Variants in RALY observed in about 807,000 individuals in gnomAD.
RALY encodes the protein RNA-binding protein Raly.
In RALY, 15 loss-of-function variants were observed where a neutral mutation model predicts 30.7. That is an observed-to-expected ratio of 0.49 (90% CI 0.33 to 0.75). RALY has a LOEUF of 0.75. RALY is among the 30% of genes least tolerant of loss of function. The probability of loss-of-function intolerance (pLI) is 0.02; values close to 1 mark genes in which losing one functional copy is unlikely to be tolerated. For missense variants in RALY, 339 were observed against 414.3 expected (o/e 0.82, Z 1.58); for synonymous variants, 177 against 170.8 (o/e 1.04, Z -0.28).
At chr20:34,079,549 C>T (rs2033986948) in intron 9 of RALY, among the ~76,000 whole-genome samples, 1 of 152,172 alleles carries the variant, frequency 6.6e-6, no homozygotes, top group African/African-American at 2.4e-5. Context: ...TCCAGAAGAG[C>T]TTTAGAAAAT....
chr20:34,030,661 C>T (rs1343518771), intron 1 of RALY, among the ~76,000 whole-genome samples: 1 of 152,198 alleles, frequency 6.6e-6, no homozygotes. Context: ...TTATTTTGAT[C>T]TTGCGCAAGT....
At position 34,073,570 on chromosome 20, in the gene RALY, C is replaced by T. The variant is rs1243211184; in HGVS notation, c.264C>T (p.Asn88=). Residue 88 remains asparagine (N), a synonymous_variant, in exon 4 of 10, where the codon AAC becomes AAT. Transcript: ENST00000246194. ...RVLAGQTLDI[N]MAGEPKPDRP... ...CCTTCTCCCTCCACACAGACATCAA[C>T]ATGGCTGGAGAGCCTAAGCCTGACA... 10 of 1,594,768 alleles carry T rather than the reference C, an allele frequency of 6.3e-6. No individual in the cohort carries two copies. In the South Asian group the frequency reaches 7.7e-5, roughly 12 times the overall value.
intron 1 of RALY, among the ~76,000 whole-genome samples, chr20:34,019,128 G>A (rs1237307448): frequency 6.6e-6 from 1 of 152,068 alleles, no homozygotes; most frequent in African/African-American, 2.4e-5. Flanking sequence ...TTCAAGAGCA[G>A]CCTGGCCAAG....
intron 1 of RALY, among the ~76,000 whole-genome samples, chr20:34,030,141 A>G (rs186277972): frequency 2.4e-4 from 36 of 152,288 alleles, no homozygotes; most frequent in Admixed American, 2.1e-3. Flanking sequence ...ACAAGAGAAC[A>G]TGTTTCCTGC....
Position 34,080,917 on chromosome 20 carries a change from C to A in RALY, c.*1012C>A, listed in dbSNP as rs1305343883. The A allele has an allele frequency of 6.6e-6, 1 of 152,266 alleles. No homozygotes were observed. The highest frequency in any genetic ancestry group is 2.4e-5 in the African/African-American group (1 of 41,442). The allele number at this position is 152,266 out of a possible 1,614,324, so 9.4% of individuals were successfully genotyped here. A position where few individuals can be genotyped will look rare whatever the true frequency, so the allele number is the denominator to read the frequency against. On this transcript the variant is annotated 3_prime_UTR_variant, in exon 10 of 10. Transcript: ENST00000246194. Reference sequence around the variant, plus strand: ...GTTTGGTAGCAAGGAATAGAGCGTACTCCAGTGACAGCAATCAGTAGGAAG... The same window carrying A: ...GTTTGGTAGCAAGGAATAGAGCGTAATCCAGTGACAGCAATCAGTAGGAAG...
At chr20:34,005,766 G>A (rs1203590137) in intron 1 of RALY, among the ~76,000 whole-genome samples, 6 of 152,240 alleles carry the variant, frequency 3.9e-5, no homozygotes, top group Admixed American at 3.9e-4. Context: ...GAGGTTAAGA[G>A]ATATGCCGTG....
chr20:34,039,974 G>A (rs979514058), intron 2 of RALY, among the ~76,000 whole-genome samples: 1 of 152,126 alleles, frequency 6.6e-6, no homozygotes, highest in Non-Finnish European at 1.5e-5. Context: ...AGTTGGGCAT[G>A]GTGGCGTGTG....
chr20:34,043,279 T>G (rs1200777403), intron 2 of RALY, among the ~76,000 whole-genome samples: 18 of 152,228 alleles, frequency 1.2e-4, no homozygotes, highest in Admixed American at 1.1e-3. Context: ...AGAGTTCCAT[T>G]TGGAGGAAGT....
intron 1 of RALY, chr20:34,016,463 A>G (rs1047621878): frequency 3.3e-5 from 5 of 152,270 alleles, no homozygotes; most frequent in African/African-American, 1.2e-4. Flanking sequence ...CATACTTAGC[A>G]CAAGAAAGCC....
intron 2 of RALY, among the ~76,000 whole-genome samples, chr20:34,057,984 C>T (rs2123202841): frequency 6.6e-6 from 1 of 152,252 alleles, no homozygotes; most frequent in East Asian, 1.9e-4. Flanking sequence ...GCCCTTTCTC[C>T]TGCAGCTGAG....
chr20:34,069,980 G>T lies in RALY; in HGVS notation c.-9-2086G>T, dbSNP rs146815126. 5.3e-5 allele frequency among the ~76,000 whole-genome samples: 8 copies of T among 152,294 alleles called. No homozygotes were observed. In the East Asian group the frequency reaches 1.3e-3, roughly 26 times the overall value. On this transcript the variant is annotated intron_variant, in intron 2 of 9. Transcript: ENST00000246194. Reference sequence around the variant, plus strand: ...AACCCTGGGAGCAGTTTCTTCCCAAGTTGGGCTCACGTCCAGCCTATGATT... The same window carrying T: ...AACCCTGGGAGCAGTTTCTTCCCAATTTGGGCTCACGTCCAGCCTATGATT...
chr20:34,073,624 T>A lies in RALY; in HGVS notation c.318T>A (p.Ser106=), dbSNP rs2033792640. ...DRPKGLKRAA[S]AIYSGYIFDY... Reference sequence around the variant, plus strand: ...CCAAGGGGCTAAAGAGAGCAGCATCTGCCATATACAGGTGGGGCTGTCTGA... The same window carrying A: ...CCAAGGGGCTAAAGAGAGCAGCATCAGCCATATACAGGTGGGGCTGTCTGA... The change falls in exon 4 of 10, where the codon TCT becomes TCA. Residue 106 remains serine, a synonymous_variant. Coordinates refer to ENST00000246194, the MANE Select transcript of RALY (RefSeq NM_016732.3). 3.8e-6 allele frequency: 6 copies of A among 1,597,762 alleles called. No homozygotes were observed. The South Asian group carries it at 6.6e-5, about 18-fold the overall frequency.
chr20:34,003,799 C>T (rs2122983415), intron 1 of RALY, among the ~76,000 whole-genome samples: 1 of 152,088 alleles, frequency 6.6e-6, no homozygotes, highest in East Asian at 1.9e-4. Flanking sequence ...GCCACTACGC[C>T]TGGCTAATTT....
At chr20:34,034,980 G>A (rs1208559372) in intron 2 of RALY, among the ~76,000 whole-genome samples, 2 of 151,722 alleles carry the variant, frequency 1.3e-5, no homozygotes, top group African/African-American at 2.4e-5. Context: ...GTGAAACCCC[G>A]TCTCTACTGA....
intron 2 of RALY, among the ~76,000 whole-genome samples, chr20:34,050,603 G>A (rs2033044864): frequency 1.3e-5 from 2 of 152,190 alleles, no homozygotes; most frequent in African/African-American, 2.4e-5. Flanking sequence ...CTAGGCCCTT[G>A]TCAGGGTAGT....
intron 2 of RALY, among the ~76,000 whole-genome samples, chr20:34,067,196 T>C (rs2033598035): frequency 1.3e-5 from 2 of 152,222 alleles, no homozygotes; most frequent in South Asian, 4.1e-4. Context: ...GCCGTCCTTT[T>C]CTTTTTTTCT....
At chr20:34,066,814 A>G (rs2033586359) in intron 2 of RALY, among the ~76,000 whole-genome samples, 2 of 151,914 alleles carry the variant, frequency 1.3e-5, no homozygotes, top group Non-Finnish European at 1.5e-5. Context: ...GTTTCAACAC[A>G]CAGATTTGGT....
chr20:34,063,485 G>A (rs745947053), intron 2 of RALY, among the ~76,000 whole-genome samples: 4 of 152,182 alleles, frequency 2.6e-5, no homozygotes, highest in African/African-American at 9.7e-5. Flanking sequence ...TGTATCTGTA[G>A]AGTGCAGATG....
rs118185587 is a variant in RALY, at chr20:33,994,737, C to G, written c.-93+606C>G. ...TTGGCGGCCGAGTCTTAGTTTGCCT[C>G]TCGGTGACATGGGGGGAAAGAAGGA... On this transcript the variant is annotated intron_variant, in intron 1 of 9. Transcript: ENST00000246194. 3.3e-5 allele frequency among the ~76,000 whole-genome samples: 5 copies of G among 152,232 alleles called. No homozygotes were observed. The South Asian group carries it at 1.0e-3, about 32-fold the overall frequency.
Sources: gnomAD v4.1 joint callset for allele counts (sites outside exome capture counted in the v4.1 genomes callset) on GRCh38, gnomAD v4.1.1 for gene constraint, MANE v1.5 for transcripts, NCBI Gene and HGNC (gene_info 2026-07-23, HGNC 2026-07-21) for gene names.